PTPRD: variants seen among roughly 807,000 people sequenced by gnomAD.
PTPRD encodes the protein receptor-type tyrosine-protein phosphatase delta.
In PTPRD, 34 loss-of-function variants were observed where a neutral mutation model predicts 214.5. The observed-to-expected ratio is 0.16, with a 90% CI of 0.12 to 0.21. The LOEUF is 0.21. Among genes scored for constraint, PTPRD ranks in the 10% least tolerant of loss-of-function variants. PTPRD has a pLI of 1.00. For missense variants in PTPRD, 2,545 were observed against 2,398.7 expected (o/e 1.06, Z -1.27); for synonymous variants, 1,128 against 845.7 (o/e 1.33, Z -5.79).
chr9:9,897,517 T>C (rs1217142295), intron 5 of PTPRD, among the ~76,000 whole-genome samples: 1 of 152,070 alleles, frequency 6.6e-6, no homozygotes, highest in African/African-American at 2.4e-5. Context: ...TTTTCTTCAA[T>C]AGGACTATAT....
intron 6 of PTPRD, among the ~76,000 whole-genome samples, chr9:9,740,724 T>A (rs1412708290): frequency 6.6e-6 from 1 of 152,134 alleles, no homozygotes. Flanking sequence ...CATACCAGTA[T>A]TTTCATTGTT....
intron 7 of PTPRD, among the ~76,000 whole-genome samples, chr9:9,619,946 T>A (rs1338622608): frequency 9.9e-5 from 15 of 151,236 alleles, no homozygotes; most frequent in Non-Finnish European, 4.4e-5. Context: ...TTTCTACATA[T>A]AGATAGAAAT....
intron 7 of PTPRD, among the ~76,000 whole-genome samples, chr9:9,584,796 T>A (rs548160340): frequency 6.6e-6 from 1 of 152,008 alleles, no homozygotes; most frequent in Non-Finnish European, 1.5e-5. Context: ...TTTCAACCTG[T>A]AATGTCAAGG....
rs1425259740 is a variant in PTPRD at position 9,659,211 on chromosome 9, A to G, written c.-287+75322T>C. Among the ~76,000 whole-genome samples, 3 of 152,084 alleles carry G rather than the reference A, an allele frequency of 2.0e-5. No homozygotes were observed. The East Asian group carries it at 5.8e-4, about 29-fold the overall frequency. ...TTCATGCTTCCTATGTTTTTATTTA[A>G]TATGTTTCAAATTTTCCCTAAAAAT... On this transcript the variant is annotated intron_variant, in intron 7 of 45. Coordinates refer to ENST00000381196, the MANE Select transcript of PTPRD (RefSeq NM_002839.4).
intron 3 of PTPRD, among the ~76,000 whole-genome samples, chr9:10,322,421 G>A (rs993012744): frequency 2.0e-5 from 3 of 151,974 alleles, no homozygotes; most frequent in African/African-American, 7.2e-5. Flanking sequence ...ATTTCACACA[G>A]GAACTAAGGA....
intron 12 of PTPRD, among the ~76,000 whole-genome samples, chr9:8,682,999 T>C (rs973957417): frequency 6.6e-6 from 1 of 152,188 alleles, no homozygotes; most frequent in Non-Finnish European, 1.5e-5. Flanking sequence ...TAAACCTGGG[T>C]TCTAGAGAGA....
chr9:9,685,912 A>C (rs2154400457), intron 7 of PTPRD, among the ~76,000 whole-genome samples: 1 of 151,494 alleles, frequency 6.6e-6, no homozygotes, highest in South Asian at 2.1e-4. Context: ...ATATTGTCTT[A>C]GCTGAAATGA....
chr9:10,389,451 T>C (rs1285053399), intron 2 of PTPRD, among the ~76,000 whole-genome samples: 3 of 151,898 alleles, frequency 2.0e-5, no homozygotes, highest in African/African-American at 7.2e-5. Context: ...CACTGGTCAA[T>C]GCCAGCAATC....
At chr9:9,222,885 G>C (rs2099957081) in intron 9 of PTPRD, among the ~76,000 whole-genome samples, 1 of 151,928 alleles carries the variant, frequency 6.6e-6, no homozygotes, top group African/African-American at 2.4e-5. Flanking sequence ...ATTTATGCCA[G>C]AACTCTTAAT....
At chr9:9,470,312 C>T (rs756410234) in intron 8 of PTPRD, among the ~76,000 whole-genome samples, 78 of 152,108 alleles carry the variant, frequency 5.1e-4, no homozygotes, top group Non-Finnish European at 9.4e-4. Flanking sequence ...CCATCTTCAT[C>T]TTGAAGTACT....
chr9:8,777,821 G>C (rs1050145661), intron 11 of PTPRD, among the ~76,000 whole-genome samples: 2 of 152,090 alleles, frequency 1.3e-5, no homozygotes, highest in Non-Finnish European at 2.9e-5. Flanking sequence ...TTAGTGACTG[G>C]AGCAAAGCAT....
chr9:10,314,011 G>A (rs554008723), intron 3 of PTPRD, among the ~76,000 whole-genome samples: 7 of 151,930 alleles, frequency 4.6e-5, no homozygotes, highest in African/African-American at 7.2e-5. Context: ...ATAAATGGAC[G>A]TGATGATACA....
chr9:8,713,725 C>T lies in PTPRD; in HGVS notation c.64+20055G>A, dbSNP rs146064459. ...AGAGATCGCGGCCAGCAAGTGACGCCGGCAGGCTGTCAAGCAGTTCCACGA... is the reference window on the plus strand; with the variant it reads ...AGAGATCGCGGCCAGCAAGTGACGCTGGCAGGCTGTCAAGCAGTTCCACGA... On this transcript the variant is annotated intron_variant, in intron 12 of 45. Transcript: ENST00000381196. 4.6e-6 allele frequency: 7 copies of T among 1,505,486 alleles called. No homozygotes were observed. In the African/African-American group the frequency reaches 5.5e-5, roughly 12 times the overall value. The allele number at this position is 1,505,486 out of a possible 1,614,324, so 93.3% of individuals were successfully genotyped here.
At chr9:10,323,629 G>C (rs2096594310) in intron 3 of PTPRD, among the ~76,000 whole-genome samples, 1 of 151,716 alleles carries the variant, frequency 6.6e-6, no homozygotes, top group Non-Finnish European at 1.5e-5. Flanking sequence ...AGAGAAAGGA[G>C]AGTCCACTGA....
chr9:9,538,378 T>C (rs1234049249), intron 8 of PTPRD, among the ~76,000 whole-genome samples: 1 of 151,990 alleles, frequency 6.6e-6, no homozygotes, highest in Non-Finnish European at 1.5e-5. Flanking sequence ...CCATTAAGCA[T>C]AAAAAGTGTT....
At position 10,544,401 on chromosome 9, in the gene PTPRD, GTCTTTTCATTGTTGCTTTTTTCTTAAT is replaced by G. The variant is rs552231181; in HGVS notation, c.-600+67970_-600+67996del. Among the ~76,000 whole-genome samples, 63 of 152,220 alleles carry G rather than the reference GTCTTTTCATTGTTGCTTTTTTCTTAAT, an allele frequency of 4.1e-4. 1 individual carries two copies. In the East Asian group the frequency reaches 0.012, roughly 29 times the overall value. On this transcript the variant is annotated intron_variant, in intron 2 of 45. Transcript: ENST00000381196. ...TATCGGCATACTACTATAATAGAAT[GTCTTTTCATTGTTGCTTTTTTCTTAAT>G]TCTTTTCATTGTTGCTTTTTTCTTT... is the stretch of plus-strand genomic sequence containing the variant.
intron 2 of PTPRD, among the ~76,000 whole-genome samples, chr9:10,434,480 T>C (rs1352599728): frequency 6.6e-6 from 1 of 151,942 alleles, no homozygotes; most frequent in Non-Finnish European, 1.5e-5. Flanking sequence ...CTTATATTTA[T>C]TCTAGCAACC....
chr9:10,477,591 G>A (rs992991923), intron 2 of PTPRD, among the ~76,000 whole-genome samples: 1 of 152,072 alleles, frequency 6.6e-6, no homozygotes, highest in Non-Finnish European at 1.5e-5. Context: ...CAAGGATCTA[G>A]AACCAGAAAT....
chr9:8,416,506 T>C (rs1312511568), intron 35 of PTPRD, among the ~76,000 whole-genome samples: 1 of 152,182 alleles, frequency 6.6e-6, no homozygotes, highest in Non-Finnish European at 1.5e-5. Context: ...ACTGCACATG[T>C]GACTTCCTCT....
Sources: allele counts gnomAD v4.1 joint callset (sites outside exome capture counted in the v4.1 genomes callset), GRCh38; gene constraint gnomAD v4.1.1; transcripts MANE v1.5; gene names NCBI Gene and HGNC (gene_info 2026-07-23, HGNC 2026-07-21).